The following SYT1 variants were observed in gnomAD, a reference collection of about 807,000 sequenced individuals.
SYT1 encodes synaptotagmin-1.
In SYT1, 8 loss-of-function variants were observed where a neutral mutation model predicts 44.8. That is an observed-to-expected ratio of 0.18 (90% confidence interval 0.10 to 0.32). SYT1 has a LOEUF of 0.32. Among genes scored for constraint, SYT1 ranks in the 10% least tolerant of loss-of-function variants. SYT1 has a pLI of 1.00. For missense variants in SYT1, 286 were observed against 509.3 expected, an observed-to-expected ratio of 0.56 and a Z score of 4.22; for synonymous variants, 154 against 188.8, an observed-to-expected ratio of 0.82 and a Z score of 1.51.
At chr12:79,443,529 T>C (rs565980538) in intron 9 of SYT1, among the ~76,000 whole-genome samples, 3 of 152,368 alleles carry the variant, frequency 2.0e-5, no homozygotes, top group East Asian at 3.9e-4. Context: ...TGAGGCTATA[T>C]TCCTAGGGCC....
At chr12:79,378,295 C>G (rs1452772683) in intron 9 of SYT1, among the ~76,000 whole-genome samples, 1 of 152,066 alleles carries the variant, frequency 6.6e-6, no homozygotes, top group African/African-American at 2.4e-5. Flanking sequence ...GGAAACCTTC[C>G]GAAATATCAC....
At chr12:79,037,175 G>A (rs73351474) in intron 2 of SYT1, among the ~76,000 whole-genome samples, 2,174 of 151,700 alleles carry the variant, frequency 0.014, 51 homozygotes, top group African/African-American at 0.047. Flanking sequence ...GTGACTTTCC[G>A]TTATAGATTT....
chr12:79,243,024 A>G (rs1876603907), intron 4 of SYT1, among the ~76,000 whole-genome samples: 1 of 152,230 alleles, frequency 6.6e-6, no homozygotes, highest in South Asian at 2.1e-4. Context: ...CACATCTTAC[A>G]TGGCAGCAGG....
At chr12:78,995,394 A>G (rs1232248948) in intron 2 of SYT1, among the ~76,000 whole-genome samples, 1 of 152,186 alleles carries the variant, frequency 6.6e-6, no homozygotes, top group Non-Finnish European at 1.5e-5. Context: ...AATAGGGGTG[A>G]GAAACAATAA....
chr12:79,004,158 G>T (rs560175956), intron 2 of SYT1, among the ~76,000 whole-genome samples: 1 of 151,664 alleles, frequency 6.6e-6, no homozygotes, highest in Non-Finnish European at 1.5e-5. Context: ...AATTTTATTC[G>T]ATTTACAGTT....
At chr12:79,423,521 A>C (rs1322050746) in intron 9 of SYT1, among the ~76,000 whole-genome samples, 2 of 152,108 alleles carry the variant, frequency 1.3e-5, no homozygotes. Flanking sequence ...ACACACATAC[A>C]CACAACAAAA....
At chr12:78,913,151 T>G (rs1219941273) in intron 1 of SYT1, among the ~76,000 whole-genome samples, 1 of 151,668 alleles carries the variant, frequency 6.6e-6, no homozygotes, top group East Asian at 1.9e-4. Context: ...AATTCTAAAT[T>G]TTATTTCTCT....
intron 3 of SYT1, among the ~76,000 whole-genome samples, chr12:79,201,079 A>G (rs1046527957): frequency 1.3e-5 from 2 of 151,974 alleles, no homozygotes; most frequent in Middle Eastern, 3.2e-3. Flanking sequence ...TACTTCCTTC[A>G]TTGTTGATGC....
At chr12:79,195,450 G>C (rs756289896) in intron 3 of SYT1, among the ~76,000 whole-genome samples, 27 of 148,310 alleles carry the variant, frequency 1.8e-4, no homozygotes, top group South Asian at 1.3e-3. Context: ...CAGGTGCTTT[G>C]ATTAATTCAG....
intron 3 of SYT1, among the ~76,000 whole-genome samples, chr12:79,189,837 G>A (rs558763920): frequency 6.6e-6 from 1 of 152,326 alleles, no homozygotes; most frequent in African/African-American, 2.4e-5. Flanking sequence ...CCAGGAGGCG[G>A]AGGTTGCAGT....
At chr12:79,170,966 T>C (rs1209335133) in intron 3 of SYT1, among the ~76,000 whole-genome samples, 1 of 152,074 alleles carries the variant, frequency 6.6e-6, no homozygotes, top group Non-Finnish European at 1.5e-5. Context: ...CCCCATTGCT[T>C]GTTTTTGTCA....
chr12:79,389,335 C>T (rs1884563434), intron 9 of SYT1, among the ~76,000 whole-genome samples: 1 of 152,148 alleles, frequency 6.6e-6, no homozygotes, highest in South Asian at 2.1e-4. Context: ...ACGTTCCCAG[C>T]ATTGTATCCT....
intron 9 of SYT1, among the ~76,000 whole-genome samples, chr12:79,420,355 G>A (rs1869030128): frequency 6.6e-6 from 1 of 152,134 alleles, no homozygotes; most frequent in African/African-American, 2.4e-5. Context: ...ACCCTGAAGA[G>A]GGCAGCATAT....
At chr12:79,222,450 T>G (rs1005374399) in intron 4 of SYT1, among the ~76,000 whole-genome samples, 29 of 151,940 alleles carry the variant, frequency 1.9e-4, no homozygotes, top group Admixed American at 1.3e-4. Flanking sequence ...GGCACGATCT[T>G]GCCTCACTGC....
intron 1 of SYT1, among the ~76,000 whole-genome samples, chr12:78,889,790 T>C (rs1365985039): frequency 6.6e-6 from 1 of 152,004 alleles, no homozygotes; most frequent in Non-Finnish European, 1.5e-5. Flanking sequence ...TAAACACTTT[T>C]GGATTTTGAA....
chr12:78,970,233 T>C (rs1225345034), intron 1 of SYT1, among the ~76,000 whole-genome samples: 2 of 152,208 alleles, frequency 1.3e-5, no homozygotes, highest in Non-Finnish European at 2.9e-5. Context: ...CTAAAGACAT[T>C]GTTATTTGTA....
At chr12:78,896,942 AT>A in intron 1 of SYT1, among the ~76,000 whole-genome samples, 1 of 151,814 alleles carries the variant, frequency 6.6e-6, no homozygotes, top group Non-Finnish European at 1.5e-5. Context: ...ATGGAAACCT[AT>A]AATTAAATAA....
At chr12:78,920,298 A>G (rs560540589) in intron 1 of SYT1, among the ~76,000 whole-genome samples, 1 of 152,160 alleles carries the variant, frequency 6.6e-6, no homozygotes, top group South Asian at 2.1e-4. Context: ...TTTACAAGAT[A>G]AGAAATAAAG....
intron 1 of SYT1, among the ~76,000 whole-genome samples, chr12:78,889,190 T>A (rs1033477101): frequency 6.6e-6 from 1 of 151,928 alleles, no homozygotes; most frequent in African/African-American, 2.4e-5. Flanking sequence ...GGATTTCTTA[T>A]CCTGGCATCC....
Sources: allele counts gnomAD v4.1 joint callset (sites outside exome capture counted in the v4.1 genomes callset), GRCh38; gene constraint gnomAD v4.1.1; transcripts MANE v1.5; gene names NCBI Gene and HGNC (gene_info 2026-07-23, HGNC 2026-07-21).